Variants in COL6A5 observed in about 807,000 individuals in gnomAD.
COL6A5 encodes the protein collagen type VI alpha 5 chain.
COL6A5 carries 48 observed loss-of-function variants against 65.6 expected under a neutral mutation model. That is an observed-to-expected ratio of 0.73 (90% CI 0.58 to 0.93). The LOEUF (loss-of-function observed/expected upper bound fraction) is 0.93. Among genes scored for constraint, COL6A5 ranks in the 40% least tolerant of loss-of-function variants. The probability of loss-of-function intolerance (pLI) is 0.00; values close to 1 mark genes in which losing one functional copy is unlikely to be tolerated. For missense variants in COL6A5, 914 were observed against 928.3 expected, an observed-to-expected ratio of 0.98 and a Z score of 0.20; for synonymous variants, 291 against 322.8, an observed-to-expected ratio of 0.90 and a Z score of 1.05.
At chr3:130,452,023 G>A (rs1709453649) in intron 4 of COL6A5, among the ~76,000 whole-genome samples, 1 of 152,088 alleles carries the variant, frequency 6.6e-6, no homozygotes, top group South Asian at 2.1e-4. Context: ...GGAAACCAAG[G>A]ACAGTGTTCT....
At position 130,416,745 on chromosome 3, in the gene COL6A5, T is replaced by TC; in HGVS notation, c.4825-12_4825-11insC. On this transcript the variant is annotated splice_polypyrimidine_tract_variant and intron_variant and NMD_transcript_variant, in intron 23 of 41. Transcript: ENST00000312481. ...ACGGTGCCAACATTTTAGTCTCTAATTTTTTTTTCAGGGTTCTCCTGGGCT... is the reference window on the plus strand; with the variant it reads ...ACGGTGCCAACATTTTAGTCTCTAATCTTTTTTTTCAGGGTTCTCCTGGGCT... 6.8e-7 allele frequency: 1 copy of TC among 1,472,110 alleles called. No individual in the cohort carries two copies. The highest frequency in any genetic ancestry group is 2.5e-5 in the East Asian group (1 of 39,620). 91.2% of individuals were successfully genotyped at this position (1,472,110 alleles called of 1,614,324 possible).
At chr3:130,385,134 C>G in exon 5 of COL6A5, 1 of 1,550,948 alleles carries the variant, frequency 6.4e-7, no homozygotes, top group South Asian at 1.2e-5. Context: ...AGCAAGGTTC[C>G]CTGTTACCTC....
chr3:130,349,085 A>G (rs73870607), intron 1 of COL6A5, among the ~76,000 whole-genome samples: 7,744 of 152,194 alleles, frequency 0.051, 679 homozygotes, highest in African/African-American at 0.18. Flanking sequence ...CTCATCCATC[A>G]AGCCACTCTT....
chr3:130,391,805 C>A, intron 7 of COL6A5, 51 bp downstream of exon 7: 1 of 1,362,354 alleles, frequency 7.3e-7, no homozygotes, highest in Non-Finnish European at 9.9e-7. Context: ...AAAGTTTAAA[C>A]AAAAAGTAAA....
At chr3:130,427,942 A>G (rs894413813), upstream of COL6A5, among the ~76,000 whole-genome samples, 1 of 152,082 alleles carries the variant, frequency 6.6e-6, no homozygotes, top group African/African-American at 2.4e-5. Context: ...CTGGGACCAC[A>G]GGGAGAGAAA....
At chr3:130,454,878 C>T (rs1412705530) in intron 4 of COL6A5, among the ~76,000 whole-genome samples, 1 of 152,076 alleles carries the variant, frequency 6.6e-6, no homozygotes, top group Non-Finnish European at 1.5e-5. Context: ...TGGTGGCTCA[C>T]ACCTGTAATC....
chr3:130,474,422 T>C (rs891283145), intron 7 of COL6A5, among the ~76,000 whole-genome samples: 1 of 151,962 alleles, frequency 6.6e-6, no homozygotes, highest in Non-Finnish European at 1.5e-5. Flanking sequence ...TTATGGAACA[T>C]ACAGAGAACC....
intron 1 of COL6A5, among the ~76,000 whole-genome samples, chr3:130,357,919 G>A (rs1301541936): frequency 2.0e-5 from 3 of 152,198 alleles, no homozygotes; most frequent in African/African-American, 7.2e-5. Flanking sequence ...GCCGAGCATG[G>A]TGGCTCATGC....
intron 2 of COL6A5, 84 bp from the exon 3 acceptor site, chr3:130,376,153 C>A: frequency 7.4e-7 from 1 of 1,356,088 alleles, no homozygotes; most frequent in Non-Finnish European, 9.8e-7. Flanking sequence ...TTAACACCAG[C>A]ACATAGTCTT....
intron 1 of COL6A5, among the ~76,000 whole-genome samples, chr3:130,432,547 CAAAAAAA>C: frequency 7.7e-6 from 1 of 129,190 alleles, no homozygotes; most frequent in East Asian, 2.7e-4. Context: ...AAGACTCTGT[CAAAAAAA>C]AAAAAAAAAG....
intron 4 of COL6A5, among the ~76,000 whole-genome samples, chr3:130,452,203 G>A (rs1043072992): frequency 6.6e-5 from 10 of 152,224 alleles, no homozygotes; most frequent in East Asian, 1.9e-4. Flanking sequence ...AGTCGAACAC[G>A]TGTTTCTGTG....
intron 23 of COL6A5, among the ~76,000 whole-genome samples, chr3:130,416,524 T>G (rs771004627): frequency 6.6e-6 from 1 of 152,152 alleles, no homozygotes; most frequent in Admixed American, 6.5e-5. Flanking sequence ...AAGCCCCGTA[T>G]GGACTAGTGA....
At chr3:130,401,285 T>C (rs1046222330) in intron 11 of COL6A5, 112 bp downstream of exon 11, 28 of 944,876 alleles carry the variant, frequency 3.0e-5, no homozygotes, top group Non-Finnish European at 4.4e-5. Flanking sequence ...AATTAAGTGC[T>C]TTGTCCTTAG....
chr3:130,421,879 T>C (rs1937524738), intron 27 of COL6A5, among the ~76,000 whole-genome samples: 1 of 152,108 alleles, frequency 6.6e-6, no homozygotes, highest in Non-Finnish European at 1.5e-5. Flanking sequence ...GCCTGCCAGA[T>C]AGAAATCCAT....
chr3:130,359,497 C>T (rs1935038493), intron 1 of COL6A5, among the ~76,000 whole-genome samples: 1 of 151,814 alleles, frequency 6.6e-6, no homozygotes, highest in Admixed American at 6.6e-5. Context: ...ACTCATAAGT[C>T]TATTAAATTT....
chr3:130,359,938 A>G (rs1244730681), intron 1 of COL6A5, among the ~76,000 whole-genome samples: 1 of 152,106 alleles, frequency 6.6e-6, no homozygotes, highest in Non-Finnish European at 1.5e-5. Context: ...CTAGACCATT[A>G]ATTTTCAAGA....
intron 5 of COL6A5, among the ~76,000 whole-genome samples, chr3:130,460,909 G>A (rs892300431): frequency 2.0e-5 from 3 of 151,772 alleles, no homozygotes; most frequent in South Asian, 2.1e-4. Context: ...TGATGGTGGA[G>A]TGGTAGTGAG....
intron 5 of COL6A5, among the ~76,000 whole-genome samples, chr3:130,459,879 A>T (rs539224458): frequency 2.8e-4 from 43 of 152,140 alleles, no homozygotes; most frequent in African/African-American, 9.6e-4. Context: ...GTTTTATTTA[A>T]TTGCATATCC....
intron 5 of COL6A5, among the ~76,000 whole-genome samples, chr3:130,456,031 G>T (rs569083667): frequency 6.6e-6 from 1 of 152,066 alleles, no homozygotes; most frequent in East Asian, 1.9e-4. Context: ...TTTCATTCTT[G>T]TTGTTCAGGC....
Sources: allele counts gnomAD v4.1 joint callset (sites outside exome capture counted in the v4.1 genomes callset), GRCh38; gene constraint gnomAD v4.1.1; transcripts MANE v1.5; gene names NCBI Gene and HGNC (gene_info 2026-07-23, HGNC 2026-07-21).